The following DVL2 variants were observed in gnomAD, a reference collection of about 807,000 sequenced individuals.
DVL2 encodes segment polarity protein dishevelled homolog DVL-2.
A neutral mutation model predicts 69.8 loss-of-function variants in DVL2; 38 were observed. That is an observed-to-expected ratio of 0.54 (90% confidence interval 0.42 to 0.71). The LOEUF (loss-of-function observed/expected upper bound fraction) is 0.71. DVL2 is among the 30% of genes least tolerant of loss of function. DVL2 has a pLI of 0.00. For synonymous variants in DVL2, 428 were observed against 392.4 expected, an observed-to-expected ratio of 1.09 and a Z score of -1.07; for missense variants, 931 against 1,008.1, an observed-to-expected ratio of 0.92 and a Z score of 1.04.
At chr17:7,232,059 G>A (rs781091417) in intron 1 of DVL2, among the ~76,000 whole-genome samples, 2 of 152,150 alleles carry the variant, frequency 1.3e-5, no homozygotes, top group Non-Finnish European at 2.9e-5. Context: ...TCTCCAATGG[G>A]TTCCCTGTGG....
In DVL2 at chr17:7,228,044, G is replaced by A. The variant is rs2071485019; in HGVS notation, c.1035C>T (p.Gly345=). ...ACTTGGCCACAGTCAGCACAATGGG[G>A]CTATGGGGAAGAGAAGTCCAGTCAA... ...RVLRDIVHKP[G]PIVLTVAKCW... is the part of the protein sequence containing the mutation. Residue 345 remains glycine (G), a splice_region_variant and synonymous_variant, in exon 10 of 15, where the codon GGC becomes GGT. Transcript: ENST00000005340. 2 of 1,536,218 alleles carry A rather than the reference G, an allele frequency of 1.3e-6. No homozygotes were observed. Among genetic ancestry groups the A allele is most frequent in the Non-Finnish European group, 1.7e-6 (2 of 1,144,030 alleles).
intron 1 of DVL2, among the ~76,000 whole-genome samples, chr17:7,231,211 C>T (rs1164759777): frequency 6.6e-6 from 1 of 152,152 alleles, no homozygotes; most frequent in Non-Finnish European, 1.5e-5. Flanking sequence ...CACCTGTAAT[C>T]CCAGCACTTT....
In DVL2 at chr17:7,225,722, C is replaced by T; in HGVS notation, c.*143G>A. 1 of 728,856 alleles carries T rather than the reference C, an allele frequency of 1.4e-6. No individual in the cohort carries two copies. The highest frequency in any genetic ancestry group is 2.4e-6 in the Non-Finnish European group (1 of 420,442). 45.1% of individuals were successfully genotyped at this position (728,856 alleles called of 1,614,324 possible). A position where few individuals can be genotyped will look rare whatever the true frequency, so the allele number is the denominator to read the frequency against. On this transcript the variant is annotated 3_prime_UTR_variant, in exon 15 of 15. Coordinates refer to ENST00000005340, the MANE Select transcript of DVL2 (RefSeq NM_004422.3). ...GGGAAGGGGGAGGAACCAGGCACTG[C>T]TGGTGAGAGTCACAGTGGCCACAAT...
Position 7,226,045 on chromosome 17 carries a change from G to A in DVL2, c.2031C>T (p.Tyr677=), listed in dbSNP as rs1329459379. ...GCATCATGACCACCATCATGGGGTT[G>A]TAGGGGAGGGCCATGCCAGGGGGCG... The part of the protein sequence containing the change: ...YGPPPGMALP[Y]NPMMVVMMPP... The change falls in exon 15 of 15, where the codon TAC becomes TAT. Residue 677 remains tyrosine (Y), a synonymous_variant. Coordinates refer to ENST00000005340, the MANE Select transcript of DVL2 (RefSeq NM_004422.3). 6.2e-7 allele frequency: 1 copy of A among 1,609,462 alleles called. No homozygotes were observed. The highest frequency in any genetic ancestry group is 8.5e-7 in the Non-Finnish European group (1 of 1,177,548).
In DVL2 at chr17:7,234,289, C is replaced by A; in HGVS notation, c.-27G>T. The A allele has an allele frequency of 6.3e-7, 1 of 1,598,092 alleles. No individual in the cohort carries two copies. Among genetic ancestry groups the A allele is most frequent in the South Asian group, 1.1e-5 (1 of 88,984 alleles). On this transcript the variant is annotated 5_prime_UTR_variant, in exon 1 of 15. Coordinates refer to ENST00000005340, the MANE Select transcript of DVL2 (RefSeq NM_004422.3). ...GTCTCGCCCGCGCGCTCCCGGGCTC[C>A]ACCGCCCACCCAAAGGGCTAATGGC...
chr17:7,229,702 G>A lies in DVL2; in HGVS notation c.657-24C>T. 1.3e-6 allele frequency: 2 copies of A among 1,560,344 alleles called. No homozygotes were observed. The highest frequency in any genetic ancestry group is 1.2e-5 in the South Asian group (1 of 82,954). ...ACCTACCAGGAGGTTGGGAAGGAGAGCAAACGTAGGCCAAAGTGGTCATGG... is the reference window on the plus strand; with the variant it reads ...ACCTACCAGGAGGTTGGGAAGGAGAACAAACGTAGGCCAAAGTGGTCATGG... On this transcript the variant is annotated intron_variant, in intron 5 of 14. Transcript: ENST00000005340. The surrounding 1 kb of genome is among the most constrained non-coding windows in gnomAD (Gnocchi z 4.4).
At chr17:7,233,902 C>T (rs1416666997) in intron 1 of DVL2, 167 bp downstream of exon 1, 7 of 736,796 alleles carry the variant, frequency 9.5e-6, no homozygotes, top group South Asian at 5.0e-5. Flanking sequence ...TCTATCCAAG[C>T]ATAACCTTGT....
chr17:7,225,632 A>T lies in DVL2; in HGVS notation c.*233T>A, dbSNP rs1411625267. 1.8e-6 allele frequency: 1 copy of T among 559,228 alleles called. No homozygotes were observed. Among genetic ancestry groups the T allele is most frequent in the African/African-American group, 1.9e-5 (1 of 52,202 alleles). The allele number at this position is 559,228 out of a possible 1,614,324, so 34.6% of individuals were successfully genotyped here. The stretch of plus-strand genomic sequence containing the variant: ...CAAAAATGTAAGAAACTCTATTTTA[A>T]CCCCCAAAAAGGCTTATAAAAAAAC... On this transcript the variant is annotated 3_prime_UTR_variant, in exon 15 of 15. Coordinates refer to ENST00000005340, the MANE Select transcript of DVL2 (RefSeq NM_004422.3).
chr17:7,227,002 G>A (rs2071465421), intron 13 of DVL2, 88 bp downstream of exon 13: 2 of 1,347,412 alleles, frequency 1.5e-6, no homozygotes, highest in African/African-American at 1.5e-5. Flanking sequence ...GGTGGCCCTG[G>A]CTGCGGTTTC....
At chr17:7,227,621 TGGGA>T (rs773761167) in intron 11 of DVL2, 30 bp downstream of exon 11, 6 of 1,613,976 alleles carry the variant, frequency 3.7e-6, no homozygotes, top group Middle Eastern at 1.6e-4. Context: ...AGCCTTCTGC[TGGGA>T]GGGTGGGATG....
intron 11 of DVL2, 38 bp from the exon 12 acceptor site, chr17:7,227,573 C>G (rs774357381): frequency 1.2e-6 from 2 of 1,612,718 alleles, no homozygotes; most frequent in African/African-American, 2.7e-5. Flanking sequence ...AGTCAGGGAT[C>G]GCTCCCACAA....
At position 7,225,823 on chromosome 17, in the gene DVL2, C is replaced by A; in HGVS notation, c.*42G>T. ...GCACATGACGGCCAGGACACCCAGT[C>A]ACACACCAGGAGCGCCCGGCCCAGC... On this transcript the variant is annotated 3_prime_UTR_variant, in exon 15 of 15. Transcript: ENST00000005340. 1 of 1,558,622 alleles carries A rather than the reference C, an allele frequency of 6.4e-7. No individual in the cohort carries two copies. The highest frequency in any genetic ancestry group is 1.1e-5 in the South Asian group (1 of 89,838).
At chr17:7,234,008 C>G (rs1358071232) in intron 1 of DVL2, 61 bp downstream of exon 1, 2 of 1,570,192 alleles carry the variant, frequency 1.3e-6, no homozygotes, top group Non-Finnish European at 1.7e-6. Context: ...GTGTGCCCCT[C>G]CATGTCGCCC....
chr17:7,230,635 C>T (rs1174533217), intron 2 of DVL2, 93 bp downstream of exon 2: 20 of 1,390,698 alleles, frequency 1.4e-5, no homozygotes, highest in South Asian at 3.9e-5. Flanking sequence ...GGGCTGCTAA[C>T]GCGCGGCCTG....
At position 7,226,659 on chromosome 17, in the gene DVL2, A is replaced by G; in HGVS notation, c.1544-20T>C. 2.0e-6 allele frequency: 3 copies of G among 1,492,912 alleles called. No homozygotes were observed. The highest frequency in any genetic ancestry group is 2.7e-6 in the Non-Finnish European group (3 of 1,120,982). 92.5% of individuals were successfully genotyped at this position (1,492,912 alleles called of 1,614,324 possible). A position where few individuals can be genotyped will look rare whatever the true frequency, so the allele number is the denominator to read the frequency against. ...CTAGGTCTGGAAAGCAAGGGAAGAG[A>G]GGAAGAAATCACTGCTTCAAGAGGC... On this transcript the variant is annotated intron_variant, in intron 13 of 14. Coordinates refer to ENST00000005340, the MANE Select transcript of DVL2 (RefSeq NM_004422.3).
Position 7,227,394 on chromosome 17 carries a change from C to T in DVL2, c.1363+10G>A. 1 of 1,612,986 alleles carries T rather than the reference C, an allele frequency of 6.2e-7. No homozygotes were observed. Among genetic ancestry groups the T allele is most frequent in the Admixed American group, 1.7e-5 (1 of 60,010 alleles). ...CCTTCTCCAGCCACCTGCCCAGGAC[C>T]CAGCCATACCCAGAAAGGCATTAGG... On this transcript the variant is annotated intron_variant, in intron 12 of 14. Coordinates refer to ENST00000005340, the MANE Select transcript of DVL2 (RefSeq NM_004422.3).
intron 9 of DVL2, 80 bp downstream of exon 9, chr17:7,228,889 T>A (rs2142992731): frequency 1.4e-6 from 2 of 1,461,526 alleles, no homozygotes; most frequent in East Asian, 2.3e-5. Context: ...GCTGTCTTAG[T>A]ACTTATTAAA....
rs2071443123 is a variant in DVL2 at position 7,226,198 on chromosome 17, G to A, written c.1878C>T (p.Ser626=). The change falls in exon 15 of 15, where the codon AGC becomes AGT. Residue 626 remains serine (S), a synonymous_variant. Coordinates refer to ENST00000005340, the MANE Select transcript of DVL2 (RefSeq NM_004422.3). ...CACCCCGCCGAAGGCTGCCCCCTCG[G>A]CTGGAGGGCTCAGACTCACTGCCAC... ...SGSGSESEPS[S]RGGSLRRGGE... is the part of the protein sequence containing the mutation. The A allele has an allele frequency of 6.2e-7, 1 of 1,612,378 alleles. No individual in the cohort carries two copies. Among genetic ancestry groups the A allele is most frequent in the Non-Finnish European group, 8.5e-7 (1 of 1,179,672 alleles).
intron 2 of DVL2, 62 bp from the exon 3 acceptor site, chr17:7,230,492 T>A (rs1597550969): frequency 6.3e-7 from 1 of 1,592,990 alleles, no homozygotes; most frequent in Non-Finnish European, 8.6e-7. Context: ...CAGGTGGCAG[T>A]AAGTGAAAGA....
Sources: allele counts gnomAD v4.1 joint callset (sites outside exome capture counted in the v4.1 genomes callset), GRCh38; gene constraint gnomAD v4.1.1; non-coding constraint Gnocchi (gnomAD v3.1); transcripts MANE v1.5; gene names NCBI Gene and HGNC (gene_info 2026-07-23, HGNC 2026-07-21).